SNTG1: variants seen among roughly 807,000 people sequenced by gnomAD.
SNTG1 encodes syntrophin gamma 1, also known as gamma-1-syntrophin.
Under a neutral mutation model 74.7 loss-of-function variants are expected in SNTG1, and 39 were observed. The observed-to-expected ratio is 0.52, with a 90% CI of 0.40 to 0.68. The LOEUF is 0.68. Ranked by LOEUF, SNTG1 falls within the 30% of genes least tolerant of loss-of-function variation. The pLI, the probability that SNTG1 is intolerant of heterozygous loss-of-function variation, is 0.00. For missense variants in SNTG1, 685 were observed against 609.5 expected, an observed-to-expected ratio of 1.12 and a Z score of -1.30; for synonymous variants, 254 against 217.1, an observed-to-expected ratio of 1.17 and a Z score of -1.49.
At chr8:50,535,514 T>C (rs1294545862) in intron 10 of SNTG1, among the ~76,000 whole-genome samples, 1 of 152,152 alleles carries the variant, frequency 6.6e-6, no homozygotes, top group Non-Finnish European at 1.5e-5. Flanking sequence ...TGACTAGCAT[T>C]GAAGGACAGG....
At chr8:50,419,544 GC>G (rs1335518042) in intron 4 of SNTG1, among the ~76,000 whole-genome samples, 1 of 152,092 alleles carries the variant, frequency 6.6e-6, no homozygotes, top group African/African-American at 2.4e-5. Context: ...AGAAGCCATC[GC>G]AAACAATGGA....
chr8:50,121,091 A>G (rs1390829865), intron 1 of SNTG1, among the ~76,000 whole-genome samples: 1 of 142,470 alleles, frequency 7.0e-6, no homozygotes, highest in African/African-American at 2.5e-5. Context: ...TGTCTTCATT[A>G]GTATTGAAAA....
chr8:50,260,928 T>G (rs2087160411), intron 2 of SNTG1, among the ~76,000 whole-genome samples: 1 of 152,000 alleles, frequency 6.6e-6, no homozygotes, highest in Non-Finnish European at 1.5e-5. Context: ...CTATAACACA[T>G]GCATAATGGG....
intron 8 of SNTG1, among the ~76,000 whole-genome samples, chr8:50,484,145 TTTCTTTCCTTCCTTCCTTCCTTCCTTCC>T (rs2093766900): frequency 9.8e-5 from 6 of 61,096 alleles, no homozygotes; most frequent in African/African-American, 2.7e-4. Flanking sequence ...TCCTTCTTTC[TTTCTTTCCTTCCTTCCTTCCTTCCTTCC>T]TTCCTTCCTT....
chr8:50,351,295 G>A (rs553729465), intron 2 of SNTG1, among the ~76,000 whole-genome samples: 1 of 152,246 alleles, frequency 6.6e-6, no homozygotes, highest in South Asian at 2.1e-4. Context: ...GGACAAGTTG[G>A]GTACTTTGAT....
chr8:50,786,098 T>C (rs1301096311), intron 18 of SNTG1, among the ~76,000 whole-genome samples: 2 of 152,078 alleles, frequency 1.3e-5, no homozygotes, highest in East Asian at 3.9e-4. Context: ...GGATAGATGA[T>C]ACAAACTTAA....
intron 18 of SNTG1, among the ~76,000 whole-genome samples, chr8:50,772,765 G>A (rs193084446): frequency 1.3e-4 from 20 of 152,180 alleles, no homozygotes; most frequent in Non-Finnish European, 2.4e-4. Flanking sequence ...AGGTCATGGG[G>A]GTAGATTCCC....
intron 2 of SNTG1, among the ~76,000 whole-genome samples, chr8:50,250,129 TA>T (rs1563798310): frequency 6.6e-6 from 1 of 151,484 alleles, no homozygotes; most frequent in African/African-American, 2.4e-5. Context: ...ATAGATACTA[TA>T]AAAAACAGAA....
chr8:50,639,766 C>T (rs536867432), intron 13 of SNTG1, among the ~76,000 whole-genome samples: 50 of 152,066 alleles, frequency 3.3e-4, no homozygotes, highest in South Asian at 8.3e-4. Flanking sequence ...ACAAGCCTTA[C>T]CTTTTAGTAT....
chr8:50,691,143 T>C (rs1585545774), intron 15 of SNTG1, among the ~76,000 whole-genome samples: 2 of 152,328 alleles, frequency 1.3e-5, no homozygotes, highest in South Asian at 4.1e-4. Context: ...TATGTGTGTC[T>C]CTGCACGTGA....
intron 10 of SNTG1, among the ~76,000 whole-genome samples, chr8:50,532,191 G>A (rs915241391): frequency 6.6e-6 from 1 of 151,952 alleles, no homozygotes; most frequent in African/African-American, 2.4e-5. Context: ...TTCAGTGTAA[G>A]GAAATTGAAA....
chr8:50,555,418 T>G (rs1016018590), intron 12 of SNTG1, among the ~76,000 whole-genome samples: 2 of 152,174 alleles, frequency 1.3e-5, no homozygotes, highest in Admixed American at 6.5e-5. Context: ...TCACATTGAT[T>G]TCAGAGAAGG....
At chr8:50,398,978 G>A (rs2092765911) in intron 3 of SNTG1, among the ~76,000 whole-genome samples, 1 of 152,162 alleles carries the variant, frequency 6.6e-6, no homozygotes, top group Admixed American at 6.5e-5. Flanking sequence ...CGAATACTAT[G>A]AGGCCAGGGA....
chr8:50,451,395 C>T (rs572553029), intron 8 of SNTG1, among the ~76,000 whole-genome samples: 2 of 152,194 alleles, frequency 1.3e-5, no homozygotes, highest in South Asian at 2.1e-4. Context: ...CAGTCCCCCA[C>T]AGACAGATTA....
chr8:50,580,765 G>A (rs1346106209), intron 12 of SNTG1, among the ~76,000 whole-genome samples: 1 of 152,080 alleles, frequency 6.6e-6, no homozygotes, highest in Non-Finnish European at 1.5e-5. Context: ...GTGAGTCAAT[G>A]AAACCACTTT....
intron 2 of SNTG1, among the ~76,000 whole-genome samples, chr8:50,177,966 C>T (rs1213243616): frequency 6.6e-6 from 1 of 152,180 alleles, no homozygotes; most frequent in African/African-American, 2.4e-5. Flanking sequence ...TGGAATCCTA[C>T]AGTAGATAGC....
intron 2 of SNTG1, among the ~76,000 whole-genome samples, chr8:50,180,369 A>AG (rs1215466248): frequency 2.0e-5 from 3 of 152,174 alleles, no homozygotes; most frequent in Admixed American, 1.3e-4. Context: ...TGAGGACTCT[A>AG]GTTCATAATA....
At chr8:50,103,659 C>G (rs1178463236) in intron 1 of SNTG1, among the ~76,000 whole-genome samples, 2 of 152,162 alleles carry the variant, frequency 1.3e-5, no homozygotes, top group African/African-American at 4.8e-5. Flanking sequence ...GGGAATGCTT[C>G]CAGTTTTTCC....
At chr8:50,504,291 T>G (rs370927284) in intron 9 of SNTG1, among the ~76,000 whole-genome samples, 53 of 152,332 alleles carry the variant, frequency 3.5e-4, no homozygotes, top group Admixed American at 3.4e-3. Context: ...TTGTGAATAG[T>G]GCTGCAATGA....
Sources: allele counts gnomAD v4.1 joint callset (sites outside exome capture counted in the v4.1 genomes callset), GRCh38; gene constraint gnomAD v4.1.1; transcripts MANE v1.5; gene names NCBI Gene and HGNC (gene_info 2026-07-23, HGNC 2026-07-21).